CLSTN2: variants seen among roughly 807,000 people sequenced by gnomAD.
CLSTN2 encodes calsyntenin 2.
A neutral mutation model predicts 101.2 loss-of-function variants in CLSTN2; 48 were observed. The ratio of observed to expected loss-of-function variants is 0.47; its 90% CI spans 0.38 to 0.60. CLSTN2 has a LOEUF of 0.60. CLSTN2 is among the 20% of genes least tolerant of loss of function. CLSTN2 has a pLI of 0.00. For missense variants in CLSTN2, 1,160 were observed against 1,238.2 expected (o/e 0.94, Z 0.95); for synonymous variants, 481 against 463.6 (o/e 1.04, Z -0.48).
At chr3:140,189,540 T>C (rs1233170630) in intron 2 of CLSTN2, among the ~76,000 whole-genome samples, 1 of 152,250 alleles carries the variant, frequency 6.6e-6, no homozygotes, top group Non-Finnish European at 1.5e-5. Flanking sequence ...TCCACATGTA[T>C]ATCCTCTTCC....
chr3:140,500,215 G>A (rs1934550253), intron 8 of CLSTN2, among the ~76,000 whole-genome samples: 1 of 152,076 alleles, frequency 6.6e-6, no homozygotes, highest in Non-Finnish European at 1.5e-5. Flanking sequence ...CTTTTCTTTT[G>A]TCCACTCGGT....
At chr3:140,114,827 G>A (rs1430408558) in intron 1 of CLSTN2, among the ~76,000 whole-genome samples, 2 of 152,206 alleles carry the variant, frequency 1.3e-5, no homozygotes, top group Admixed American at 6.5e-5. Context: ...GCTGCACAGC[G>A]ACCTTCACCT....
intron 8 of CLSTN2, among the ~76,000 whole-genome samples, chr3:140,474,832 A>C (rs570573512): frequency 6.6e-6 from 1 of 152,236 alleles, no homozygotes; most frequent in African/African-American, 2.4e-5. Flanking sequence ...CCTGAACCAC[A>C]GCAGTGTTAT....
chr3:140,416,807 T>C (rs746845925), intron 4 of CLSTN2, among the ~76,000 whole-genome samples: 18 of 152,344 alleles, frequency 1.2e-4, no homozygotes, highest in South Asian at 6.2e-4. Flanking sequence ...CAGTTACCAA[T>C]TGGCAGATTT....
chr3:140,166,367 G>A (rs1381513877), intron 1 of CLSTN2, among the ~76,000 whole-genome samples: 5 of 152,120 alleles, frequency 3.3e-5, no homozygotes, highest in Non-Finnish European at 4.4e-5. Context: ...CCTGACAATT[G>A]GAATAATATA....
At chr3:140,551,040 C>G (rs1308709566) in intron 10 of CLSTN2, among the ~76,000 whole-genome samples, 2 of 152,052 alleles carry the variant, frequency 1.3e-5, no homozygotes, top group African/African-American at 4.8e-5. Flanking sequence ...TACTATGACC[C>G]CATTTCAAAA....
At chr3:140,148,354 G>A (rs757450340) in intron 1 of CLSTN2, among the ~76,000 whole-genome samples, 2 of 152,348 alleles carry the variant, frequency 1.3e-5, no homozygotes, top group Middle Eastern at 3.4e-3. Context: ...ATGACATTGA[G>A]TGGGATTTGT....
intron 1 of CLSTN2, among the ~76,000 whole-genome samples, chr3:139,951,689 A>T (rs1219500792): frequency 6.6e-6 from 1 of 152,078 alleles, no homozygotes; most frequent in Non-Finnish European, 1.5e-5. Flanking sequence ...AAGAAATGAA[A>T]AGCTATGAAT....
intron 2 of CLSTN2, among the ~76,000 whole-genome samples, chr3:140,199,079 A>G (rs1278119180): frequency 6.6e-6 from 1 of 152,174 alleles, no homozygotes; most frequent in Non-Finnish European, 1.5e-5. Context: ...CTTTCTCTCA[A>G]GTCCTCAAGA....
chr3:140,162,350 C>A (rs963888608), intron 1 of CLSTN2, among the ~76,000 whole-genome samples: 44 of 152,234 alleles, frequency 2.9e-4, no homozygotes, highest in African/African-American at 1.0e-3. Context: ...TATTTACATC[C>A]AGTATAGTAC....
At chr3:140,445,955 G>A (rs932948079) in intron 5 of CLSTN2, among the ~76,000 whole-genome samples, 2 of 152,064 alleles carry the variant, frequency 1.3e-5, no homozygotes, top group African/African-American at 2.4e-5. Context: ...GGAGGAGAGA[G>A]GGCATCTACC....
At chr3:140,345,542 G>T (rs1484224474) in intron 2 of CLSTN2, among the ~76,000 whole-genome samples, 1 of 151,152 alleles carries the variant, frequency 6.6e-6, no homozygotes, top group Admixed American at 6.6e-5. Context: ...GAGCCACCGC[G>T]CCCGGCCGGA....
intron 2 of CLSTN2, among the ~76,000 whole-genome samples, chr3:140,333,319 T>G (rs1457986602): frequency 6.6e-6 from 1 of 152,210 alleles, no homozygotes; most frequent in African/African-American, 2.4e-5. Flanking sequence ...ATTCGCCCTG[T>G]GACTTTTGGC....
intron 1 of CLSTN2, among the ~76,000 whole-genome samples, chr3:139,937,434 G>A (rs915084705): frequency 6.6e-6 from 1 of 152,036 alleles, no homozygotes; most frequent in Non-Finnish European, 1.5e-5. Flanking sequence ...TCATTTTTTG[G>A]TTAAAACTAG....
At chr3:140,432,064 G>A (rs1032165020) in intron 5 of CLSTN2, among the ~76,000 whole-genome samples, 1 of 152,170 alleles carries the variant, frequency 6.6e-6, no homozygotes, top group Non-Finnish European at 1.5e-5. Flanking sequence ...AGGCTGTGTG[G>A]CTTAAGCATC....
chr3:140,394,646 C>T (rs1316905532), intron 2 of CLSTN2, among the ~76,000 whole-genome samples: 1 of 152,162 alleles, frequency 6.6e-6, no homozygotes, highest in Non-Finnish European at 1.5e-5. Context: ...TGTCCATCTG[C>T]CTCCTTCTCC....
chr3:140,106,146 A>G (rs1326578239), intron 1 of CLSTN2, among the ~76,000 whole-genome samples: 1 of 152,158 alleles, frequency 6.6e-6, no homozygotes, highest in Non-Finnish European at 1.5e-5. Context: ...TTTACAAACA[A>G]TCCAACCCTG....
chr3:139,982,362 T>C (rs1935945740), intron 1 of CLSTN2, among the ~76,000 whole-genome samples: 1 of 138,626 alleles, frequency 7.2e-6, no homozygotes, highest in African/African-American at 2.6e-5. Flanking sequence ...TATTAAAACA[T>C]CTTAAATTTT....
At chr3:139,992,306 A>C (rs978360056) in intron 1 of CLSTN2, among the ~76,000 whole-genome samples, 1 of 152,192 alleles carries the variant, frequency 6.6e-6, no homozygotes, top group Non-Finnish European at 1.5e-5. Flanking sequence ...GAAGAGTAAA[A>C]TATAGTCATG....
Sources: gnomAD v4.1 joint callset for allele counts (sites outside exome capture counted in the v4.1 genomes callset) on GRCh38, gnomAD v4.1.1 for gene constraint, MANE v1.5 for transcripts, NCBI Gene and HGNC (gene_info 2026-07-23, HGNC 2026-07-21) for gene names.